The following ZNF618 variants were observed in gnomAD, a reference collection of about 807,000 sequenced individuals.
ZNF618 encodes neural precursor cell expressed, developmentally down-regulated 10.
A neutral mutation model predicts 103.0 loss-of-function variants in ZNF618; 34 were observed. The observed-to-expected ratio is 0.33, with a 90% CI of 0.25 to 0.44. ZNF618 has a LOEUF of 0.44. Ranked by LOEUF, ZNF618 falls within the 20% of genes least tolerant of loss-of-function variation. ZNF618 has a pLI of 1.00. For synonymous variants in ZNF618, 551 were observed against 542.2 expected, an observed-to-expected ratio of 1.02 and a Z score of -0.23; for missense variants, 1,059 against 1,295.4, an observed-to-expected ratio of 0.82 and a Z score of 2.80.
At chr9:114,013,044 A>G (rs906069951) in intron 9 of ZNF618, among the ~76,000 whole-genome samples, 3 of 152,174 alleles carry the variant, frequency 2.0e-5, no homozygotes, top group Admixed American at 6.5e-5. Context: ...GGTTACCTAT[A>G]CATGAATTCA....
At chr9:113,987,807 G>C (rs1332150359) in intron 2 of ZNF618, among the ~76,000 whole-genome samples, 1 of 152,174 alleles carries the variant, frequency 6.6e-6, no homozygotes, top group Non-Finnish European at 1.5e-5. Context: ...TGTTCTGCCT[G>C]CGCAACATAG....
At chr9:113,953,874 A>C (rs1034479099) in intron 1 of ZNF618, among the ~76,000 whole-genome samples, 1 of 152,196 alleles carries the variant, frequency 6.6e-6, no homozygotes, top group Admixed American at 6.5e-5. Context: ...AGGTAATAAA[A>C]AGATGACTGA....
At chr9:113,967,364 G>A (rs1342228704) in intron 1 of ZNF618, among the ~76,000 whole-genome samples, 1 of 152,186 alleles carries the variant, frequency 6.6e-6, no homozygotes, top group Non-Finnish European at 1.5e-5. Flanking sequence ...ACCATTTTCT[G>A]CTTTCTTGTT....
rs1295232172 is a variant in ZNF618, at chr9:113,988,403, C to G, written c.160C>G (p.Gln54Glu). 7 of 1,613,646 alleles carry G rather than the reference C, an allele frequency of 4.3e-6. No individual in the cohort carries two copies. The highest frequency in any genetic ancestry group is 1.7e-5 in the Admixed American group (1 of 60,034). The change falls in exon 3 of 15, where the codon CAA becomes GAA. Residue 54 changes from glutamine to glutamate, a missense_variant. Coordinates refer to ENST00000374126, the MANE Select transcript of ZNF618 (RefSeq NM_001318042.2). ...VPAEASLSAE[Q>E]GTMTEVKVKT... ...AGCCGAGGCCTCGCTGAGTGCCGAG[C>G]AAGGAACGATGACGGAGGTGAAGGT...
At chr9:113,955,167 A>G (rs968448437) in intron 1 of ZNF618, among the ~76,000 whole-genome samples, 5 of 113,640 alleles carry the variant, frequency 4.4e-5, no homozygotes, top group African/African-American at 1.8e-4. Context: ...TTTTTTGTCT[A>G]TCCTGGACCC....
intron 9 of ZNF618, among the ~76,000 whole-genome samples, chr9:114,015,378 A>G (rs12686727): frequency 0.29 from 43,851 of 152,170 alleles, 7,812 homozygotes; most frequent in East Asian, 0.6. Flanking sequence ...ATTAAACATG[A>G]AAAATAATCA....
At chr9:114,000,804 T>C (rs1309461295) in intron 4 of ZNF618, among the ~76,000 whole-genome samples, 3 of 152,168 alleles carry the variant, frequency 2.0e-5, no homozygotes, top group Non-Finnish European at 4.4e-5. Flanking sequence ...ACCAACACAC[T>C]TGAGTCATCC....
chr9:114,019,758 A>G (rs544064006), intron 10 of ZNF618, among the ~76,000 whole-genome samples: 1 of 152,310 alleles, frequency 6.6e-6, no homozygotes, highest in South Asian at 2.1e-4. Context: ...TCTTTGCCAG[A>G]TACATGTACT....
chr9:114,023,634 A>G (rs1236904563), intron 10 of ZNF618, among the ~76,000 whole-genome samples: 1 of 152,162 alleles, frequency 6.6e-6, no homozygotes, highest in African/African-American at 2.4e-5. Flanking sequence ...AACTTCCTTT[A>G]ACATTTCTTA....
At chr9:113,889,249 C>G (rs1248363686) in intron 1 of ZNF618, among the ~76,000 whole-genome samples, 1 of 151,986 alleles carries the variant, frequency 6.6e-6, no homozygotes, top group East Asian at 1.9e-4. Flanking sequence ...GTTCTCCATG[C>G]TCATATTTGG....
At chr9:113,921,014 TA>T (rs930060530) in intron 1 of ZNF618, among the ~76,000 whole-genome samples, 2 of 152,234 alleles carry the variant, frequency 1.3e-5, no homozygotes, top group African/African-American at 4.8e-5. Flanking sequence ...TCCATCAGGT[TA>T]GGGGCAATGG....
At chr9:113,938,904 T>G (rs1308701519) in intron 1 of ZNF618, among the ~76,000 whole-genome samples, 1 of 152,194 alleles carries the variant, frequency 6.6e-6, no homozygotes, top group African/African-American at 2.4e-5. Context: ...TTATTGTTGA[T>G]ATGTAGGAAA....
chr9:114,008,198 G>A, intron 7 of ZNF618, 146 bp from the exon 8 acceptor site: 1 of 1,080,684 alleles, frequency 9.3e-7, no homozygotes, highest in Non-Finnish European at 1.3e-6. Flanking sequence ...GGCTTCCACA[G>A]TGGCCACGGC....
At chr9:113,962,667 C>T (rs1836965120) in intron 1 of ZNF618, among the ~76,000 whole-genome samples, 1 of 152,116 alleles carries the variant, frequency 6.6e-6, no homozygotes, top group Non-Finnish European at 1.5e-5. Flanking sequence ...CCCCAGACAC[C>T]ACATGGCCAA....
At chr9:114,005,855 C>T (rs376048488) in intron 6 of ZNF618, among the ~76,000 whole-genome samples, 2 of 152,352 alleles carry the variant, frequency 1.3e-5, no homozygotes, top group South Asian at 4.1e-4. Flanking sequence ...AGCTCATCTA[C>T]ATCCCTTTCC....
intron 2 of ZNF618, among the ~76,000 whole-genome samples, chr9:113,973,197 C>A (rs1838153281): frequency 6.6e-6 from 1 of 152,150 alleles, no homozygotes; most frequent in African/African-American, 2.4e-5. Flanking sequence ...CTCATTTAAT[C>A]CTTCTTCAGA....
chr9:113,963,773 C>T (rs898057133), intron 1 of ZNF618, among the ~76,000 whole-genome samples: 3 of 152,062 alleles, frequency 2.0e-5, no homozygotes, highest in Admixed American at 1.3e-4. Context: ...CTATATTTGC[C>T]GAGTATTTGC....
Position 113,951,605 on chromosome 9 carries a change from A to ATATG in ZNF618, c.34-17511_34-17510insATGT, listed in dbSNP as rs1554733203. On this transcript the variant is annotated intron_variant, in intron 1 of 14. Coordinates refer to ENST00000374126, the MANE Select transcript of ZNF618 (RefSeq NM_001318042.2). Reference sequence around the variant, plus strand: ...TGTGTGTGTGTGTGTGTGTATATATATGTATATATATATATGTATATATAC... The same window carrying ATATG: ...TGTGTGTGTGTGTGTGTGTATATATATATGTGTATATATATATATGTATATATAC... Among the ~76,000 whole-genome samples, 136 of 71,068 alleles carry ATATG rather than the reference A, an allele frequency of 1.9e-3. 7 individuals are homozygous for ATATG. The highest frequency in any genetic ancestry group is 5.9e-3 in the African/African-American group (125 of 21,078). 46.6% of individuals were successfully genotyped at this position (71,068 alleles called of 152,430 possible).
intron 6 of ZNF618, among the ~76,000 whole-genome samples, chr9:114,005,510 G>A (rs931041459): frequency 1.1e-4 from 17 of 152,216 alleles, no homozygotes; most frequent in Non-Finnish European, 2.5e-4. Context: ...CCTGAAGTGA[G>A]GGGTCAGGCC....
Sources: gnomAD v4.1 joint callset for allele counts (sites outside exome capture counted in the v4.1 genomes callset) on GRCh38, gnomAD v4.1.1 for gene constraint, MANE v1.5 for transcripts, NCBI Gene and HGNC (gene_info 2026-07-23, HGNC 2026-07-21) for gene names.